PRKG1: variants seen among roughly 807,000 people sequenced by gnomAD.
The protein encoded by PRKG1 is cGMP-dependent protein kinase 1.
Under a neutral mutation model 88.1 loss-of-function variants are expected in PRKG1, and 35 were observed. The ratio of observed to expected loss-of-function variants is 0.40; its 90% CI spans 0.30 to 0.53. The LOEUF (loss-of-function observed/expected upper bound fraction) is 0.53, where lower values mean the gene tolerates loss of function less well. Among genes scored for constraint, PRKG1 ranks in the 20% least tolerant of loss-of-function variants. PRKG1 has a pLI of 0.59. For synonymous variants in PRKG1, 303 were observed against 292.5 expected (o/e 1.04, Z -0.37); for missense variants, 540 against 839.8 (o/e 0.64, Z 4.41).
intron 3 of PRKG1, among the ~76,000 whole-genome samples, chr10:51,655,323 A>G (rs1304845022): frequency 6.6e-6 from 1 of 152,150 alleles, no homozygotes; most frequent in Non-Finnish European, 1.5e-5. Context: ...AATGAACCTA[A>G]CCAGGAAAAT....
intron 4 of PRKG1, among the ~76,000 whole-genome samples, chr10:51,810,324 C>T (rs1449223905): frequency 2.6e-5 from 4 of 152,118 alleles, no homozygotes; most frequent in South Asian, 2.1e-4. Context: ...CCCCTTTTAA[C>T]CAGAAGGGTA....
intron 3 of PRKG1, among the ~76,000 whole-genome samples, chr10:51,524,657 A>G (rs927191657): frequency 1.3e-5 from 2 of 152,182 alleles, no homozygotes; most frequent in Non-Finnish European, 2.9e-5. Flanking sequence ...ATTTAAGCCC[A>G]CAATTCCATT....
In PRKG1 at chr10:51,139,978, C is replaced by G. The variant is rs1226237874; in HGVS notation, c.312-13186C>G. On this transcript the variant is annotated intron_variant, in intron 1 of 17. Coordinates refer to ENST00000373980, the MANE Select transcript of PRKG1 (RefSeq NM_006258.4). The stretch of plus-strand genomic sequence containing the variant: ...TGTCTAAAACAGACTCTGCTTATGT[C>G]TCGAAATTGACCTGTAGCTATTCTT... Among the ~76,000 whole-genome samples the G allele has an allele frequency of 2.0e-5, 3 of 152,212 alleles. No individual in the cohort carries two copies. The South Asian group carries it at 6.2e-4, about 31-fold the overall frequency.
intron 2 of PRKG1, among the ~76,000 whole-genome samples, chr10:51,370,758 A>G (rs1385835257): frequency 6.6e-6 from 1 of 152,184 alleles, no homozygotes; most frequent in Non-Finnish European, 1.5e-5. Flanking sequence ...GTGAATTAAT[A>G]TAAAAATTAC....
intron 7 of PRKG1, among the ~76,000 whole-genome samples, chr10:52,083,757 G>A (rs1418730215): frequency 1.3e-5 from 2 of 152,022 alleles, no homozygotes; most frequent in Admixed American, 6.6e-5. Flanking sequence ...AAGGATGGAT[G>A]TGAAATTGCC....
At chr10:51,971,899 A>G (rs975877973) in intron 5 of PRKG1, among the ~76,000 whole-genome samples, 2 of 152,196 alleles carry the variant, frequency 1.3e-5, no homozygotes, top group South Asian at 2.1e-4. Context: ...ACATGCAATA[A>G]CACAGTTTGT....
chr10:51,843,090 A>ATTTTTTTTTT (rs1200317452), intron 4 of PRKG1, among the ~76,000 whole-genome samples: 3 of 117,460 alleles, frequency 2.6e-5, no homozygotes, highest in Non-Finnish European at 5.6e-5. Context: ...TAGGAAAATT[A>ATTTTTTTTTT]TTCTTTTTTT....
chr10:51,554,649 G>A (rs16919587), intron 3 of PRKG1, among the ~76,000 whole-genome samples: 1 of 150,390 alleles, frequency 6.6e-6, no homozygotes, highest in African/African-American at 2.4e-5. Context: ...GTAATCACTG[G>A]TTTCCTTGTG....
At chr10:52,021,350 AG>A (rs1346740510) in intron 5 of PRKG1, among the ~76,000 whole-genome samples, 4 of 152,154 alleles carry the variant, frequency 2.6e-5, no homozygotes, top group Admixed American at 2.6e-4. Flanking sequence ...ATGGGGTGTG[AG>A]GTAGAGTCTT....
chr10:52,201,678 T>C (rs906581521), intron 9 of PRKG1, among the ~76,000 whole-genome samples: 3 of 152,298 alleles, frequency 2.0e-5, no homozygotes, highest in East Asian at 3.9e-4. Flanking sequence ...TTCTGCCTAT[T>C]TATGAGCATG....
chr10:52,054,481 C>T lies in PRKG1; in HGVS notation c.763-3C>T, dbSNP rs1846062653. ...TTTTTTTCTTATTGTTTCTACTTTT[C>T]AGACCCACTATGAAAATGGAGAATA... is the stretch of plus-strand genomic sequence containing the variant. On this transcript the variant is annotated splice_region_variant and splice_polypyrimidine_tract_variant and intron_variant, in intron 5 of 17. Coordinates refer to ENST00000373980, the MANE Select transcript of PRKG1 (RefSeq NM_006258.4). 6.2e-7 allele frequency: 1 copy of T among 1,611,466 alleles called. No individual in the cohort carries two copies. The highest frequency in any genetic ancestry group is 8.5e-7 in the Non-Finnish European group (1 of 1,178,188).
chr10:51,642,326 G>C (rs1839820466), intron 3 of PRKG1, among the ~76,000 whole-genome samples: 1 of 152,154 alleles, frequency 6.6e-6, no homozygotes, highest in African/African-American at 2.4e-5. Context: ...GGAGATGGAG[G>C]TTGCAGTGAG....
intron 3 of PRKG1, among the ~76,000 whole-genome samples, chr10:51,801,471 A>C (rs1200191149): frequency 6.6e-6 from 1 of 152,164 alleles, no homozygotes; most frequent in Non-Finnish European, 1.5e-5. Flanking sequence ...GTACTAGATC[A>C]CAAGTTTCTT....
At chr10:51,826,693 T>G (rs1839889568) in intron 4 of PRKG1, among the ~76,000 whole-genome samples, 1 of 152,144 alleles carries the variant, frequency 6.6e-6, no homozygotes, top group African/African-American at 2.4e-5. Flanking sequence ...TACAGAGAGC[T>G]GGAACCATGA....
chr10:51,004,214 A>G lies in PRKG1; in HGVS notation c.266+12570A>G, dbSNP rs142055885. 5.4e-3 allele frequency among the ~76,000 whole-genome samples: 818 copies of G among 152,330 alleles called. 44 individuals are homozygous for G. The East Asian group carries it at 0.12, about 22-fold the overall frequency. On this transcript the variant is annotated intron_variant, in intron 1 of 17. Coordinates refer to the PRKG1 transcript ENST00000401604. ...CACGGTGGCTCATGCCTATAATACC[A>G]GCACTTTGGGAGGCCAAAGTGGGCA...
chr10:51,576,433 T>C (rs1837889333), intron 3 of PRKG1, among the ~76,000 whole-genome samples: 1 of 152,014 alleles, frequency 6.6e-6, no homozygotes. Context: ...TTATATTCTA[T>C]ATCTCAAAAA....
intron 3 of PRKG1, among the ~76,000 whole-genome samples, chr10:51,476,895 C>T (rs956364836): frequency 1.3e-5 from 2 of 152,106 alleles, no homozygotes; most frequent in African/African-American, 4.8e-5. Context: ...TCTTTATCAG[C>T]TGTATACTAT....
intron 2 of PRKG1, among the ~76,000 whole-genome samples, chr10:51,421,487 T>G (rs1363263981): frequency 1.3e-5 from 2 of 152,134 alleles, no homozygotes; most frequent in Non-Finnish European, 2.9e-5. Flanking sequence ...CCCCGATACC[T>G]TTTAGATAGG....
intron 3 of PRKG1, among the ~76,000 whole-genome samples, chr10:51,512,464 G>T (rs1201503200): frequency 2.2e-5 from 3 of 136,396 alleles, no homozygotes; most frequent in Non-Finnish European, 4.7e-5. Flanking sequence ...TTGTTCTTGC[G>T]ATAGTTTACT....
Sources: gnomAD v4.1 joint callset for allele counts (sites outside exome capture counted in the v4.1 genomes callset) on GRCh38, gnomAD v4.1.1 for gene constraint, MANE v1.5 for transcripts, NCBI Gene and HGNC (gene_info 2026-07-23, HGNC 2026-07-21) for gene names.